The following CMTM8 variants were observed in gnomAD, a reference collection of about 807,000 sequenced individuals.
The protein encoded by CMTM8 is CKLF-like MARVEL transmembrane domain-containing protein 8.
Under a neutral mutation model 18.6 loss-of-function variants are expected in CMTM8, and 12 were observed. The ratio of observed to expected loss-of-function variants is 0.65; its 90% CI spans 0.41 to 1.05. CMTM8 has a LOEUF of 1.05. Among genes scored for constraint, CMTM8 ranks in the 50% least tolerant of loss-of-function variants. The pLI is 0.00. For synonymous variants in CMTM8, 87 were observed against 90.6 expected (o/e 0.96, Z 0.23); for missense variants, 217 against 227.2 (o/e 0.95, Z 0.29).
chr3:32,367,104 G>A (rs1187628636), intron 2 of CMTM8, among the ~76,000 whole-genome samples: 6 of 152,132 alleles, frequency 3.9e-5, no homozygotes, highest in African/African-American at 9.7e-5. Flanking sequence ...GCCCACTCCT[G>A]AGAGGCATCC....
chr3:32,351,354 T>C (rs1187292862), intron 1 of CMTM8, among the ~76,000 whole-genome samples: 3 of 152,212 alleles, frequency 2.0e-5, no homozygotes, highest in Non-Finnish European at 2.9e-5. Context: ...GAGAATGTTT[T>C]TATAATCTTC....
chr3:32,326,716 G>T (rs146920463), intron 1 of CMTM8, among the ~76,000 whole-genome samples: 1 of 151,688 alleles, frequency 6.6e-6, no homozygotes, highest in South Asian at 2.1e-4. Context: ...GGGTTTCACC[G>T]TGTTGGCCAG....
intron 1 of CMTM8, among the ~76,000 whole-genome samples, chr3:32,240,717 A>G (rs762088418): frequency 7.2e-5 from 11 of 152,220 alleles, no homozygotes; most frequent in Non-Finnish European, 1.5e-4. Flanking sequence ...ATGGGAAAAC[A>G]TGTAAGCAAA....
chr3:32,260,284 AGGTCATTG>A, intron 1 of CMTM8: 3 of 868,350 alleles, frequency 3.5e-6, no homozygotes, highest in Admixed American at 4.1e-5. Flanking sequence ...AAAAGTTCAG[AGGTCATTG>A]GAAAAAAAAA....
At chr3:32,314,447 G>A (rs1332254903) in intron 1 of CMTM8, among the ~76,000 whole-genome samples, 1 of 151,502 alleles carries the variant, frequency 6.6e-6, no homozygotes, top group Non-Finnish European at 1.5e-5. Flanking sequence ...GGTCCTACTG[G>A]GGAGAGGGTG....
intron 1 of CMTM8, among the ~76,000 whole-genome samples, chr3:32,338,280 C>T (rs952940254): frequency 6.6e-6 from 1 of 152,122 alleles, no homozygotes; most frequent in African/African-American, 2.4e-5. Flanking sequence ...CCGTGCCCGG[C>T]CTGGCCTTTT....
intron 1 of CMTM8, among the ~76,000 whole-genome samples, chr3:32,266,250 T>C (rs1702342674): frequency 6.6e-6 from 1 of 152,180 alleles, no homozygotes; most frequent in African/African-American, 2.4e-5. Context: ...AAAAAGCTTA[T>C]CCACCATGAT....
intron 1 of CMTM8, among the ~76,000 whole-genome samples, chr3:32,306,461 G>A (rs1318889174): frequency 6.6e-6 from 1 of 152,182 alleles, no homozygotes. Context: ...ATGGTTATAG[G>A]GAGTTTAATT....
At chr3:32,287,208 A>AC (rs768727981) in intron 1 of CMTM8, among the ~76,000 whole-genome samples, 1 of 152,222 alleles carries the variant, frequency 6.6e-6, no homozygotes, top group Non-Finnish European at 1.5e-5. Context: ...TTTATTGGGC[A>AC]CCTTCTTAAT....
intron 1 of CMTM8, among the ~76,000 whole-genome samples, chr3:32,273,643 A>G (rs1485494563): frequency 6.6e-6 from 1 of 152,240 alleles, no homozygotes; most frequent in Non-Finnish European, 1.5e-5. Flanking sequence ...AGGCACATGC[A>G]TAGAAACAGC....
chr3:32,303,257 T>C lies in CMTM8; in HGVS notation c.148-54116T>C, dbSNP rs79503917. Among the ~76,000 whole-genome samples the C allele has an allele frequency of 5.4e-3, 824 of 152,356 alleles. 2 individuals are homozygous for C. Among genetic ancestry groups the C allele is most frequent in the African/African-American group, 0.019 (783 of 41,592 alleles). The stretch of plus-strand genomic sequence containing the variant: ...TTTCTCAACATTCTCTTGAGAGCAG[T>C]TGTGTTAACAAGTTATGAAGATTAC... On this transcript the variant is annotated intron_variant, in intron 1 of 3. Transcript: ENST00000307526.
intron 2 of CMTM8, among the ~76,000 whole-genome samples, chr3:32,361,911 G>A (rs567471756): frequency 6.6e-6 from 1 of 152,196 alleles, no homozygotes; most frequent in African/African-American, 2.4e-5. Context: ...AAGCACTAGG[G>A]TCTACATGCA....
chr3:32,343,043 C>T (rs914805111), intron 1 of CMTM8, among the ~76,000 whole-genome samples: 5 of 152,142 alleles, frequency 3.3e-5, no homozygotes, highest in South Asian at 2.1e-4. Context: ...TTACCATGTG[C>T]GGTAGTGTCA....
intron 1 of CMTM8, among the ~76,000 whole-genome samples, chr3:32,288,735 C>G (rs547575715): frequency 6.6e-6 from 1 of 152,158 alleles, no homozygotes; most frequent in Non-Finnish European, 1.5e-5. Flanking sequence ...CTCCTGACCT[C>G]GTGATATGCC....
intron 1 of CMTM8, among the ~76,000 whole-genome samples, chr3:32,283,504 A>G (rs563832439): frequency 1.3e-5 from 2 of 152,286 alleles, no homozygotes; most frequent in East Asian, 1.9e-4. Flanking sequence ...TTCCCCATGC[A>G]TGAGCTGGAG....
chr3:32,278,619 G>T (rs1383897225), intron 1 of CMTM8, among the ~76,000 whole-genome samples: 1 of 152,054 alleles, frequency 6.6e-6, no homozygotes, highest in African/African-American at 2.4e-5. Flanking sequence ...TCCCTTTCAG[G>T]CCTGGCAAAC....
intron 1 of CMTM8, among the ~76,000 whole-genome samples, chr3:32,268,174 G>A (rs1702377388): frequency 6.6e-6 from 1 of 152,146 alleles, no homozygotes; most frequent in African/African-American, 2.4e-5. Flanking sequence ...ATTCACAGTA[G>A]CAAAGACTTC....
At chr3:32,310,597 G>A (rs1315105869) in intron 1 of CMTM8, among the ~76,000 whole-genome samples, 4 of 152,172 alleles carry the variant, frequency 2.6e-5, no homozygotes, top group African/African-American at 7.2e-5. Flanking sequence ...CACAGCAATC[G>A]TGTGTGCCAT....
intron 1 of CMTM8, chr3:32,259,100 G>T: frequency 2.6e-6 from 1 of 391,886 alleles, no homozygotes; most frequent in Non-Finnish European, 4.9e-6. Context: ...ACCGTGTCCT[G>T]CTCCACCAGC....
Sources: gnomAD v4.1 joint callset for allele counts (sites outside exome capture counted in the v4.1 genomes callset) on GRCh38, gnomAD v4.1.1 for gene constraint, MANE v1.5 for transcripts, NCBI Gene and HGNC (gene_info 2026-07-23, HGNC 2026-07-21) for gene names.